The following SPATS2 variants were observed in gnomAD, a reference collection of about 807,000 sequenced individuals.
The protein encoded by SPATS2 is spermatogenesis-associated serine-rich protein 2.
In SPATS2, 38 loss-of-function variants were observed where a neutral mutation model predicts 63.7. The observed-to-expected ratio is 0.60, with a 90% CI of 0.46 to 0.78. SPATS2 has a LOEUF of 0.78. Ranked by LOEUF, SPATS2 falls within the 30% of genes least tolerant of loss-of-function variation. The pLI, the probability that SPATS2 is intolerant of heterozygous loss-of-function variation, is 0.00. For missense variants in SPATS2, 588 were observed against 666.2 expected (o/e 0.88, Z 1.29); for synonymous variants, 207 against 232.9 (o/e 0.89, Z 1.01).
chr12:49,440,061 A>G (rs1945389432), intron 2 of SPATS2, among the ~76,000 whole-genome samples: 2 of 152,208 alleles, frequency 1.3e-5, no homozygotes, highest in African/African-American at 4.8e-5. Context: ...ACTCTCTGAT[A>G]TGCTTTCTTT....
chr12:49,504,707 G>A (rs547723448), intron 9 of SPATS2, among the ~76,000 whole-genome samples: 1 of 140,732 alleles, frequency 7.1e-6, no homozygotes, highest in East Asian at 2.1e-4. Flanking sequence ...AATTTTTCCT[G>A]ATTCCTCTAT....
intron 3 of SPATS2, among the ~76,000 whole-genome samples, chr12:49,479,082 G>T (rs933050689): frequency 6.6e-6 from 1 of 152,218 alleles, no homozygotes; most frequent in Non-Finnish European, 1.5e-5. Context: ...CCTCTCTGCA[G>T]CAGGTTGTCC....
At chr12:49,525,048 A>C in intron 13 of SPATS2, 152 bp downstream of exon 13, 1 of 783,790 alleles carries the variant, frequency 1.3e-6, no homozygotes, top group Non-Finnish European at 2.0e-6. Context: ...CTGAGAAAGC[A>C]TTAGATACGT....
intron 2 of SPATS2, among the ~76,000 whole-genome samples, chr12:49,377,315 AT>A (rs1944124875): frequency 6.6e-6 from 1 of 152,132 alleles, no homozygotes; most frequent in African/African-American, 2.4e-5. Context: ...TATTATTGTA[AT>A]TTGGGAGCAC....
At chr12:49,413,245 A>G (rs1055428055) in intron 2 of SPATS2, among the ~76,000 whole-genome samples, 1 of 152,120 alleles carries the variant, frequency 6.6e-6, no homozygotes, top group Non-Finnish European at 1.5e-5. Flanking sequence ...CTGTACTTAC[A>G]TATCTGACAG....
intron 9 of SPATS2, among the ~76,000 whole-genome samples, chr12:49,502,085 T>G (rs984093685): frequency 1.3e-5 from 2 of 152,226 alleles, no homozygotes; most frequent in Admixed American, 1.3e-4. Context: ...TTTTAGTAAC[T>G]GTCTAGATCT....
chr12:49,432,813 A>G (rs1945208521), intron 2 of SPATS2, among the ~76,000 whole-genome samples: 1 of 152,036 alleles, frequency 6.6e-6, no homozygotes, highest in African/African-American at 2.4e-5. Context: ...CATTTTATCT[A>G]TTCATCCTTT....
In SPATS2 at chr12:49,416,090, A is replaced by C. The variant is rs369459992; in HGVS notation, c.-243-44680A>C. Among the ~76,000 whole-genome samples, 8 of 149,502 alleles carry C rather than the reference A, an allele frequency of 5.4e-5. No individual in the cohort carries two copies. The Admixed American group carries it at 5.4e-4, about 10-fold the overall frequency. ...GTACCAAAATCTGTTTTGGTTATCTATTGCTGTGTAACACACATCCCAAAT... is the reference window on the plus strand; with the variant it reads ...GTACCAAAATCTGTTTTGGTTATCTCTTGCTGTGTAACACACATCCCAAAT... On this transcript the variant is annotated intron_variant, in intron 2 of 13. Transcript: ENST00000552918.
chr12:49,371,680 G>C (rs1943999584), intron 2 of SPATS2, among the ~76,000 whole-genome samples: 9 of 152,186 alleles, frequency 5.9e-5, no homozygotes, highest in Admixed American at 5.9e-4. Flanking sequence ...GCCTCAGGAA[G>C]CTTATGATCA....
intron 3 of SPATS2, among the ~76,000 whole-genome samples, chr12:49,465,618 G>A (rs1375486419): frequency 6.6e-6 from 1 of 152,088 alleles, no homozygotes; most frequent in African/African-American, 2.4e-5. Flanking sequence ...TGATTTGTAA[G>A]TATATTCTCC....
intron 2 of SPATS2, among the ~76,000 whole-genome samples, chr12:49,408,246 ATTC>A (rs1254083816): frequency 3.4e-5 from 5 of 148,474 alleles, no homozygotes; most frequent in Non-Finnish European, 6.0e-5. Context: ...AGATGATAGT[ATTC>A]TTCTTTTTTT....
intron 2 of SPATS2, among the ~76,000 whole-genome samples, chr12:49,372,380 A>T (rs1262888818): frequency 1.3e-5 from 2 of 152,132 alleles, no homozygotes; most frequent in Non-Finnish European, 2.9e-5. Context: ...ATTTTGTCAT[A>T]TGCTACCTGA....
intron 3 of SPATS2, 97 bp from the exon 4 acceptor site, chr12:49,484,493 T>C: frequency 8.7e-7 from 1 of 1,150,472 alleles, no homozygotes; most frequent in Non-Finnish European, 1.2e-6. Context: ...TGCTGTTAAT[T>C]GTTTTATGGG....
intron 3 of SPATS2, among the ~76,000 whole-genome samples, chr12:49,476,842 A>G (rs1946126645): frequency 6.6e-6 from 1 of 152,246 alleles, no homozygotes; most frequent in African/African-American, 2.4e-5. Flanking sequence ...GCGGTGGCTC[A>G]CGCCTGTAAT....
At chr12:49,496,652 T>G (rs1279766289) in intron 7 of SPATS2, among the ~76,000 whole-genome samples, 181 bp from the exon 8 acceptor site, 5 of 152,238 alleles carry the variant, frequency 3.3e-5, no homozygotes, top group Non-Finnish European at 5.9e-5. Context: ...AGCCCGAAGC[T>G]GCCGATAGCC....
At chr12:49,506,051 T>C (rs1946649748) in intron 9 of SPATS2, among the ~76,000 whole-genome samples, 2 of 152,216 alleles carry the variant, frequency 1.3e-5, no homozygotes, top group South Asian at 2.1e-4. Context: ...GTTTAATAAA[T>C]TACATCAGAT....
chr12:49,475,381 CA>C (rs1158597135), intron 3 of SPATS2, among the ~76,000 whole-genome samples: 4 of 152,252 alleles, frequency 2.6e-5, no homozygotes, highest in Non-Finnish European at 4.4e-5. Flanking sequence ...CTTGTTGCTA[CA>C]AAAAAATTAC....
chr12:49,493,570 T>A (rs148347942), intron 6 of SPATS2, among the ~76,000 whole-genome samples: 1 of 152,010 alleles, frequency 6.6e-6, no homozygotes, highest in East Asian at 1.9e-4. Context: ...TCTGGCTGAT[T>A]TTTGTATTTT....
At chr12:49,482,971 T>C (rs989439698) in intron 3 of SPATS2, among the ~76,000 whole-genome samples, 3 of 151,516 alleles carry the variant, frequency 2.0e-5, no homozygotes, top group Non-Finnish European at 2.9e-5. Context: ...CTCCTTTTTA[T>C]AGAGGCAGGG....
Sources: allele counts gnomAD v4.1 joint callset (sites outside exome capture counted in the v4.1 genomes callset), GRCh38; gene constraint gnomAD v4.1.1; transcripts MANE v1.5; gene names NCBI Gene and HGNC (gene_info 2026-07-23, HGNC 2026-07-21).